Variants in CNTN5 observed in about 807,000 individuals in gnomAD.
CNTN5 encodes the protein contactin-5.
CNTN5 carries 77 observed loss-of-function variants against 129.1 expected under a neutral mutation model. The observed-to-expected ratio is 0.60, with a 90% CI of 0.50 to 0.72. The LOEUF (loss-of-function observed/expected upper bound fraction) is 0.72. Ranked by LOEUF, CNTN5 falls within the 30% of genes least tolerant of loss-of-function variation. The pLI is 0.00. For synonymous variants in CNTN5, 509 were observed against 465.6 expected, an observed-to-expected ratio of 1.09 and a Z score of -1.20; for missense variants, 1,478 against 1,328.8, an observed-to-expected ratio of 1.11 and a Z score of -1.75.
intron 1 of CNTN5, among the ~76,000 whole-genome samples, chr11:99,132,504 C>T (rs1858994596): frequency 6.6e-6 from 1 of 151,992 alleles, no homozygotes; most frequent in Admixed American, 6.6e-5. Context: ...TCTAGAAAAC[C>T]CCATTGACTC....
At chr11:99,696,369 T>A (rs1954270188) in intron 3 of CNTN5, among the ~76,000 whole-genome samples, 1 of 152,126 alleles carries the variant, frequency 6.6e-6, no homozygotes, top group African/African-American at 2.4e-5. Flanking sequence ...TTGTCATTTT[T>A]GTTTGACAGA....
intron 2 of CNTN5, among the ~76,000 whole-genome samples, chr11:99,367,076 A>G (rs1398423583): frequency 6.6e-6 from 1 of 152,206 alleles, no homozygotes; most frequent in African/African-American, 2.4e-5. Flanking sequence ...AAGGTTTAAA[A>G]TGATCTGACA....
intron 13 of CNTN5, among the ~76,000 whole-genome samples, chr11:100,098,579 T>C (rs1945099450): frequency 6.6e-6 from 1 of 152,070 alleles, no homozygotes; most frequent in South Asian, 2.1e-4. Context: ...AACAGATTAG[T>C]GTATCTTGGT....
At chr11:99,511,179 T>C (rs2135411334) in intron 2 of CNTN5, among the ~76,000 whole-genome samples, 1 of 152,306 alleles carries the variant, frequency 6.6e-6, no homozygotes, top group Admixed American at 6.5e-5. Flanking sequence ...TGTGAGCATT[T>C]AGTGCTATAA....
chr11:100,232,424 A>C (rs1949509342), intron 16 of CNTN5, among the ~76,000 whole-genome samples: 1 of 152,192 alleles, frequency 6.6e-6, no homozygotes, highest in Non-Finnish European at 1.5e-5. Context: ...TGAATTAAGA[A>C]ACTTGGAAGT....
chr11:99,339,230 T>G (rs892824170), intron 2 of CNTN5, among the ~76,000 whole-genome samples: 3 of 152,006 alleles, frequency 2.0e-5, no homozygotes, highest in Admixed American at 6.6e-5. Flanking sequence ...GAAATTCACT[T>G]TCTAGTATGA....
chr11:99,239,966 C>T (rs1320684206), intron 1 of CNTN5, among the ~76,000 whole-genome samples: 1 of 150,994 alleles, frequency 6.6e-6, no homozygotes, highest in Non-Finnish European at 1.5e-5. Context: ...ATTTAAAAAG[C>T]GAGTAGTCCT....
intron 9 of CNTN5, among the ~76,000 whole-genome samples, chr11:100,041,263 T>G (rs542656364): frequency 6.6e-6 from 1 of 152,292 alleles, no homozygotes; most frequent in Non-Finnish European, 1.5e-5. Context: ...AACAAAAACA[T>G]TTCCTGACTC....
At chr11:100,328,210 G>A (rs1008888506) in intron 21 of CNTN5, among the ~76,000 whole-genome samples, 8 of 151,748 alleles carry the variant, frequency 5.3e-5, no homozygotes, top group African/African-American at 1.9e-4. Flanking sequence ...TTAAAAATTA[G>A]CTGGGTGTGT....
chr11:99,617,514 T>A (rs1950799055), intron 3 of CNTN5, among the ~76,000 whole-genome samples: 1 of 152,170 alleles, frequency 6.6e-6, no homozygotes, highest in Non-Finnish European at 1.5e-5. Context: ...AAGTGACACA[T>A]AAACTTTAGT....
chr11:99,900,935 C>G (rs1949340661), intron 6 of CNTN5, among the ~76,000 whole-genome samples: 1 of 151,988 alleles, frequency 6.6e-6, no homozygotes, highest in Non-Finnish European at 1.5e-5. Flanking sequence ...TCTTTATGGT[C>G]AAAAGATCTC....
intron 21 of CNTN5, among the ~76,000 whole-genome samples, chr11:100,333,861 GACATCA>G (rs1951965172): frequency 6.6e-6 from 1 of 152,252 alleles, no homozygotes; most frequent in South Asian, 2.1e-4. Flanking sequence ...AACCCTTCTA[GACATCA>G]GCTTAGGCAA....
At chr11:99,655,033 G>A (rs1338000785) in intron 3 of CNTN5, among the ~76,000 whole-genome samples, 1 of 151,694 alleles carries the variant, frequency 6.6e-6, no homozygotes, top group African/African-American at 2.4e-5. Flanking sequence ...GTGGAAGAGT[G>A]CTGCGTGAAG....
At chr11:99,957,239 T>C (rs537389206) in intron 8 of CNTN5, among the ~76,000 whole-genome samples, 50 of 152,278 alleles carry the variant, frequency 3.3e-4, no homozygotes, top group African/African-American at 1.2e-3. Flanking sequence ...AATGCTACTC[T>C]AATGCCAGAA....
At chr11:99,199,242 G>T (rs1859049871) in intron 1 of CNTN5, among the ~76,000 whole-genome samples, 1 of 152,114 alleles carries the variant, frequency 6.6e-6, no homozygotes, top group Admixed American at 6.5e-5. Flanking sequence ...AGAAACAAAA[G>T]ACAAATGCGA....
rs567025141 is a variant in CNTN5 at position 99,284,248 on chromosome 11, T to C, written c.-209-41098T>C. On this transcript the variant is annotated intron_variant, in intron 1 of 24. Coordinates refer to ENST00000524871, the MANE Select transcript of CNTN5 (RefSeq NM_014361.4). ...GAACAATAGTCTCTACAAACAAACATAATGGAATTTAAACACACACACGTA... is the reference window on the plus strand; with the variant it reads ...GAACAATAGTCTCTACAAACAAACACAATGGAATTTAAACACACACACGTA... Among the ~76,000 whole-genome samples, 8 of 152,220 alleles carry C rather than the reference T, an allele frequency of 5.3e-5. No homozygotes were observed. The South Asian group carries it at 1.5e-3, about 28-fold the overall frequency.
At chr11:99,236,844 G>C (rs1397342396) in intron 1 of CNTN5, among the ~76,000 whole-genome samples, 1 of 151,500 alleles carries the variant, frequency 6.6e-6, no homozygotes, top group African/African-American at 2.4e-5. Context: ...AGTTTTCCTT[G>C]GTCTTCATTC....
At chr11:100,126,979 G>A (rs1383431018) in intron 13 of CNTN5, among the ~76,000 whole-genome samples, 1 of 151,880 alleles carries the variant, frequency 6.6e-6, no homozygotes, top group African/African-American at 2.4e-5. Context: ...GAGTGCAGTG[G>A]CATGATCATA....
At chr11:99,097,697 A>T (rs899357757) in intron 1 of CNTN5, among the ~76,000 whole-genome samples, 1 of 151,910 alleles carries the variant, frequency 6.6e-6, no homozygotes, top group African/African-American at 2.4e-5. Context: ...TGATACAATT[A>T]ATTTGAGAAA....
Sources: allele counts gnomAD v4.1 joint callset (sites outside exome capture counted in the v4.1 genomes callset), GRCh38; gene constraint gnomAD v4.1.1; transcripts MANE v1.5; gene names NCBI Gene and HGNC (gene_info 2026-07-23, HGNC 2026-07-21).